Variants in PPP2R3A observed in about 807,000 individuals in gnomAD.
PPP2R3A encodes protein phosphatase 2 regulatory subunit B''alpha.
Under a neutral mutation model 106.9 loss-of-function variants are expected in PPP2R3A, and 80 were observed. The observed-to-expected ratio is 0.75, with a 90% confidence interval of 0.62 to 0.90. The LOEUF (loss-of-function observed/expected upper bound fraction) is 0.90, where lower values mean the gene tolerates loss of function less well. Among genes scored for constraint, PPP2R3A ranks in the 40% least tolerant of loss-of-function variants. PPP2R3A has a pLI of 0.00. For synonymous variants in PPP2R3A, 483 were observed against 468.3 expected, an observed-to-expected ratio of 1.03 and a Z score of -0.41; for missense variants, 1,386 against 1,350.4, an observed-to-expected ratio of 1.03 and a Z score of -0.41.
chr3:135,981,905 CTT>C lies in PPP2R3A; in HGVS notation c.-441+16058_-441+16059del, dbSNP rs1482510589. On this transcript the variant is annotated intron_variant, in intron 1 of 13. Transcript: ENST00000264977. ...AAAGGCCATGGGAGAGGAGTTTAGA[CTT>C]TGTTCAAAATGCATTTAAACAGGAA... is the stretch of plus-strand genomic sequence containing the variant. 2.6e-5 allele frequency among the ~76,000 whole-genome samples: 4 copies of C among 151,638 alleles called. 1 individual carries two copies. The highest frequency in any genetic ancestry group is 4.9e-5 in the African/African-American group (2 of 40,970).
intron 5 of PPP2R3A, among the ~76,000 whole-genome samples, chr3:136,058,333 A>C (rs1306699161): frequency 6.6e-6 from 1 of 152,196 alleles, no homozygotes; most frequent in African/African-American, 2.4e-5. Context: ...TCAGGATACA[A>C]AATCAGTGTG....
rs528951338 is a variant in PPP2R3A, at chr3:136,059,290, GA to G, written c.2469+9938del. ...TATAAGGAACTTAAATAATTTACAA[GA>G]AAAAAAAACATAAAAAAGTGAGCAA... On this transcript the variant is annotated intron_variant, in intron 5 of 13. Coordinates refer to ENST00000264977, the MANE Select transcript of PPP2R3A (RefSeq NM_002718.5). Among the ~76,000 whole-genome samples, 421 of 148,778 alleles carry G rather than the reference GA, an allele frequency of 2.8e-3. 3 individuals are homozygous for G. The highest frequency in any genetic ancestry group is 9.1e-3 in the African/African-American group (369 of 40,528).
chr3:136,023,231 T>C (rs764771881), intron 2 of PPP2R3A: 1 of 1,555,878 alleles, frequency 6.4e-7, no homozygotes, highest in Non-Finnish European at 8.7e-7. Context: ...TGTTTTGTTT[T>C]GTTTTGTTTT....
At chr3:136,070,259 C>G (rs1051349349) in intron 5 of PPP2R3A, among the ~76,000 whole-genome samples, 7 of 152,184 alleles carry the variant, frequency 4.6e-5, no homozygotes. Context: ...TAGCTAAAAT[C>G]AAACTTCAAC....
intron 5 of PPP2R3A, among the ~76,000 whole-genome samples, chr3:136,057,414 A>G (rs1935907677): frequency 6.6e-6 from 1 of 152,208 alleles, no homozygotes; most frequent in African/African-American, 2.4e-5. Flanking sequence ...ACAGAAAGAT[A>G]AATATCACAT....
rs1352866595 is a variant in PPP2R3A, at chr3:136,102,019, G to C, written c.2940G>C (p.Trp980Cys). Reference protein sequence around the residue: ...DKRNPTSIEYWFRCMDVDGDG... With the variant: ...DKRNPTSIEYCFRCMDVDGDG... ...CCTTATCATCTAGCATTGAGTATTG[G>C]TTCCGCTGCATGGATGTGGATGGAG... The change falls in exon 11 of 14, where the codon TGG becomes TGC. Residue 980 changes from tryptophan (W) to cysteine (C), a missense_variant. By Grantham distance (215) the Trp-to-Cys change is radical. Transcript: ENST00000264977. 1.9e-6 allele frequency: 3 copies of C among 1,613,660 alleles called. No homozygotes were observed. The South Asian group carries it at 3.3e-5, about 18-fold the overall frequency.
At chr3:136,093,866 C>T (rs1466954026) in intron 10 of PPP2R3A, among the ~76,000 whole-genome samples, 1 of 152,148 alleles carries the variant, frequency 6.6e-6, no homozygotes, top group Non-Finnish European at 1.5e-5. Flanking sequence ...TATCATATGA[C>T]CTAGCAATTC....
chr3:136,003,731 C>T (rs982222489), intron 2 of PPP2R3A, among the ~76,000 whole-genome samples: 3 of 151,838 alleles, frequency 2.0e-5, no homozygotes, highest in African/African-American at 7.3e-5. Context: ...CCTCCCCATA[C>T]CCTTCATCTT....
At chr3:136,096,838 C>T (rs1937226986) in intron 10 of PPP2R3A, among the ~76,000 whole-genome samples, 1 of 152,162 alleles carries the variant, frequency 6.6e-6, no homozygotes, top group African/African-American at 2.4e-5. Flanking sequence ...GGCTGTAGTC[C>T]CAGCTACTTG....
chr3:136,143,565 G>A (rs1429758649), intron 13 of PPP2R3A, among the ~76,000 whole-genome samples: 1 of 152,028 alleles, frequency 6.6e-6, no homozygotes, highest in East Asian at 1.9e-4. Flanking sequence ...CGAGACAGGT[G>A]GATCACTTGA....
chr3:136,022,675 A>G, intron 2 of PPP2R3A: 1 of 765,990 alleles, frequency 1.3e-6, no homozygotes, highest in Non-Finnish European at 1.6e-6. Context: ...CTGAGAAGGT[A>G]CTATTTTTAG....
intron 1 of PPP2R3A, among the ~76,000 whole-genome samples, chr3:135,984,243 C>T (rs539836199): frequency 6.6e-6 from 1 of 152,228 alleles, no homozygotes; most frequent in East Asian, 1.9e-4. Flanking sequence ...GCTCCTTTAG[C>T]CTTAATATAG....
At chr3:136,143,254 T>C (rs984399554) in intron 13 of PPP2R3A, among the ~76,000 whole-genome samples, 4 of 151,814 alleles carry the variant, frequency 2.6e-5, no homozygotes, top group African/African-American at 7.3e-5. Flanking sequence ...TTTGGGAGGC[T>C]GATGGGGGTG....
chr3:136,048,291 G>A (rs1413776688), intron 4 of PPP2R3A, among the ~76,000 whole-genome samples: 1 of 152,144 alleles, frequency 6.6e-6, no homozygotes, highest in Admixed American at 6.6e-5. Flanking sequence ...TGGAACATTT[G>A]TGCAACCACA....
intron 3 of PPP2R3A, among the ~76,000 whole-genome samples, chr3:136,034,968 A>G (rs1168944348): frequency 6.6e-6 from 1 of 152,196 alleles, no homozygotes; most frequent in Non-Finnish European, 1.5e-5. Flanking sequence ...TTTTATCATT[A>G]TGTAATGTCC....
intron 3 of PPP2R3A, among the ~76,000 whole-genome samples, chr3:136,029,396 C>T (rs1396532633): frequency 2.0e-5 from 3 of 152,162 alleles, no homozygotes; most frequent in African/African-American, 7.2e-5. Flanking sequence ...GGCATGGTAG[C>T]CCTGCCTTGC....
chr3:136,049,420 T>A, intron 5 of PPP2R3A, 59 bp downstream of exon 5: 1 of 1,285,900 alleles, frequency 7.8e-7, no homozygotes, highest in Non-Finnish European at 1.1e-6. Context: ...CAGTTTTGTT[T>A]AAAATTTACA....
At chr3:136,016,845 A>T (rs1934286350) in intron 2 of PPP2R3A, among the ~76,000 whole-genome samples, 1 of 152,126 alleles carries the variant, frequency 6.6e-6, no homozygotes, top group African/African-American at 2.4e-5. Context: ...GTACTATTCT[A>T]TTCATCATAT....
At chr3:136,025,657 A>G (rs992975273) in intron 2 of PPP2R3A, among the ~76,000 whole-genome samples, 1 of 152,136 alleles carries the variant, frequency 6.6e-6, no homozygotes, top group Non-Finnish European at 1.5e-5. Flanking sequence ...TGATAAATAT[A>G]TTTCTTACAG....
Sources: allele counts gnomAD v4.1 joint callset (sites outside exome capture counted in the v4.1 genomes callset), GRCh38; gene constraint gnomAD v4.1.1; transcripts MANE v1.5; gene names NCBI Gene and HGNC (gene_info 2026-07-23, HGNC 2026-07-21).